Variants in ROBO1 observed in about 807,000 individuals in gnomAD.
ROBO1 encodes the protein roundabout homolog 1.
ROBO1 carries 149 observed loss-of-function variants against 195.9 expected under a neutral mutation model. The ratio of observed to expected loss-of-function variants is 0.76; its 90% CI spans 0.67 to 0.87. The LOEUF (loss-of-function observed/expected upper bound fraction) is 0.87. Among genes scored for constraint, ROBO1 ranks in the 40% least tolerant of loss-of-function variants. The pLI is 0.00. For missense variants in ROBO1, 1,933 were observed against 2,068.3 expected, an observed-to-expected ratio of 0.93 and a Z score of 1.27; for synonymous variants, 816 against 733.2, an observed-to-expected ratio of 1.11 and a Z score of -1.82.
At chr3:78,601,116 AT>A (rs1477124114) in intron 29 of ROBO1, among the ~76,000 whole-genome samples, 3 of 152,106 alleles carry the variant, frequency 2.0e-5, no homozygotes, top group African/African-American at 7.2e-5. Context: ...TGCCTTTTAG[AT>A]GACAAACACA....
rs564271325 is a variant in ROBO1, at chr3:78,759,774, G to C, written c.500-12874C>G. Among the ~76,000 whole-genome samples the C allele has an allele frequency of 3.0e-4, 45 of 152,170 alleles. 1 individual carries two copies. In the South Asian group the frequency reaches 9.3e-3, roughly 32 times the overall value. On this transcript the variant is annotated intron_variant, in intron 4 of 30. Transcript: ENST00000464233. ...CATTTTCTATTTTTGCTGCCCCAGA[G>C]GTCTTCACATCTCTGAAAATGCACC...
intron 14 of ROBO1, among the ~76,000 whole-genome samples, chr3:78,665,381 G>A (rs1055094190): frequency 2.6e-5 from 4 of 152,048 alleles, no homozygotes; most frequent in African/African-American, 9.7e-5. Flanking sequence ...TATACTTCCC[G>A]TAAGCCTGCT....
At chr3:79,758,382 TAGTGGTTAG>T (rs1704520134) in intron 1 of ROBO1, among the ~76,000 whole-genome samples, 1 of 152,240 alleles carries the variant, frequency 6.6e-6, no homozygotes, top group South Asian at 2.1e-4. Context: ...CACATGTAGC[TAGTGGTTAG>T]AGTATTAGAC....
intron 2 of ROBO1, among the ~76,000 whole-genome samples, chr3:79,393,345 G>A (rs887486889): frequency 6.6e-6 from 1 of 152,148 alleles, no homozygotes; most frequent in African/African-American, 2.4e-5. Context: ...TCGGTAATTT[G>A]AGCCCAAACT....
intron 2 of ROBO1, among the ~76,000 whole-genome samples, chr3:79,497,559 T>TA (rs1477624870): frequency 6.6e-6 from 1 of 152,156 alleles, no homozygotes; most frequent in Non-Finnish European, 1.5e-5. Context: ...ATGTGCATCA[T>TA]AAAAATAACA....
intron 2 of ROBO1, among the ~76,000 whole-genome samples, chr3:79,300,341 C>T (rs1001413942): frequency 2.6e-5 from 4 of 152,212 alleles, no homozygotes; most frequent in Admixed American, 6.5e-5. Flanking sequence ...CGGCCCCAGG[C>T]AATGAGGGGC....
intron 4 of ROBO1, among the ~76,000 whole-genome samples, chr3:78,766,958 G>C (rs1279925110): frequency 6.6e-6 from 1 of 152,042 alleles, no homozygotes; most frequent in African/African-American, 2.4e-5. Flanking sequence ...CTGCTTCCCT[G>C]GTATGAAACC....
intron 1 of ROBO1, among the ~76,000 whole-genome samples, chr3:79,659,508 T>C (rs371312511): frequency 6.6e-5 from 10 of 152,090 alleles, no homozygotes; most frequent in African/African-American, 1.9e-4. Context: ...GTTTCCTTAT[T>C]GGATAAGACT....
At chr3:78,607,242 T>A in intron 28 of ROBO1, 3 of 572,034 alleles carry the variant, frequency 5.2e-6, no homozygotes, top group Non-Finnish European at 9.1e-6. Context: ...AGACAGGGTC[T>A]TACTCTGTCA....
intron 2 of ROBO1, among the ~76,000 whole-genome samples, chr3:79,399,824 TA>T (rs1400643538): frequency 2.0e-5 from 3 of 152,152 alleles, no homozygotes; most frequent in Non-Finnish European, 4.4e-5. Flanking sequence ...TATATGCATA[TA>T]AACATAACTA....
At chr3:79,179,634 G>A (rs2081308414) in intron 2 of ROBO1, among the ~76,000 whole-genome samples, 1 of 152,174 alleles carries the variant, frequency 6.6e-6, no homozygotes, top group Non-Finnish European at 1.5e-5. Flanking sequence ...GTTTGTTAGT[G>A]AATCAGTGAA....
At position 79,468,564 on chromosome 3, in the gene ROBO1, G is replaced by T. The variant is rs561339111; in HGVS notation, c.88+121260C>A. Among the ~76,000 whole-genome samples the T allele has an allele frequency of 3.0e-4, 45 of 152,252 alleles. No homozygotes were observed. In the South Asian group the frequency reaches 4.4e-3, roughly 15 times the overall value. On this transcript the variant is annotated intron_variant, in intron 2 of 30. Transcript: ENST00000464233. The stretch of plus-strand genomic sequence containing the variant: ...TATTTAAGTGGCAAGCTTAATCAAA[G>T]AAATAGAACTTGAAACTAGAGAGAA...
intron 2 of ROBO1, among the ~76,000 whole-genome samples, chr3:79,210,495 C>G (rs1301755465): frequency 6.6e-6 from 1 of 152,236 alleles, no homozygotes; most frequent in East Asian, 1.9e-4. Context: ...TACCTTATAT[C>G]TATCCATCTC....
At chr3:78,781,160 T>C (rs1442100960) in intron 4 of ROBO1, among the ~76,000 whole-genome samples, 1 of 152,172 alleles carries the variant, frequency 6.6e-6, no homozygotes, top group Non-Finnish European at 1.5e-5. Context: ...CCCTTATCCA[T>C]TTCCTCTATT....
At chr3:78,644,745 G>C (rs1371697148) in intron 21 of ROBO1, among the ~76,000 whole-genome samples, 1 of 152,066 alleles carries the variant, frequency 6.6e-6, no homozygotes, top group Non-Finnish European at 1.5e-5. Context: ...CTCTATCCAG[G>C]TTGTAAATTC....
intron 29 of ROBO1, among the ~76,000 whole-genome samples, chr3:78,606,103 A>T (rs1421617285): frequency 6.6e-6 from 1 of 152,222 alleles, no homozygotes; most frequent in Non-Finnish European, 1.5e-5. Context: ...TTTCTCACTC[A>T]GAATTACTTG....
chr3:79,240,769 C>T (rs1482130876), intron 2 of ROBO1, among the ~76,000 whole-genome samples: 1 of 152,118 alleles, frequency 6.6e-6, no homozygotes, highest in Non-Finnish European at 1.5e-5. Flanking sequence ...ACCTCAGCCT[C>T]AGCCTGGGAC....
chr3:79,121,114 G>A lies in ROBO1; in HGVS notation c.172+4342C>T, dbSNP rs189154012. Among the ~76,000 whole-genome samples, 47 of 152,230 alleles carry A rather than the reference G, an allele frequency of 3.1e-4. 1 individual carries two copies. Among genetic ancestry groups the A allele is most frequent in the Admixed American group, 7.2e-4 (11 of 15,272 alleles). ...CCCTGTCTCTATTAATAATAGCACT[G>A]TCTTAGAGGGTTGTTGTAAGGATTA... On this transcript the variant is annotated intron_variant, in intron 3 of 30. Transcript: ENST00000464233.
At chr3:79,361,401 A>C (rs994496033) in intron 2 of ROBO1, among the ~76,000 whole-genome samples, 2 of 152,082 alleles carry the variant, frequency 1.3e-5, no homozygotes, top group African/African-American at 4.8e-5. Context: ...GGAGAAAAGC[A>C]AATAAATATT....
Sources: gnomAD v4.1 joint callset for allele counts (sites outside exome capture counted in the v4.1 genomes callset) on GRCh38, gnomAD v4.1.1 for gene constraint, MANE v1.5 for transcripts, NCBI Gene and HGNC (gene_info 2026-07-23, HGNC 2026-07-21) for gene names.